The following ANK3 variants were observed in gnomAD, a reference collection of about 807,000 sequenced individuals.
The protein encoded by ANK3 is ankyrin 3, also known as ankyrin-3.
Under a neutral mutation model 370.9 loss-of-function variants are expected in ANK3, and 57 were observed. The observed-to-expected ratio is 0.15, with a 90% CI of 0.12 to 0.19. The LOEUF is 0.19. ANK3 is among the 10% of genes least tolerant of loss of function. The pLI, the probability that ANK3 is intolerant of heterozygous loss-of-function variation, is 1.00. For missense variants in ANK3, 4,439 were observed against 5,302.1 expected (o/e 0.84, Z 5.06); for synonymous variants, 1,929 against 1,946.3 (o/e 0.99, Z 0.23).
chr10:60,598,129 C>A (rs2078012773), intron 2 of ANK3, among the ~76,000 whole-genome samples: 1 of 152,094 alleles, frequency 6.6e-6, no homozygotes, highest in Non-Finnish European at 1.5e-5. Flanking sequence ...AAAAGAACAA[C>A]AACAACTGGG....
chr10:60,213,363 C>A, intron 9 of ANK3, 49 bp downstream of exon 9: 1 of 1,288,498 alleles, frequency 7.8e-7, no homozygotes, highest in Non-Finnish European at 1.1e-6. Context: ...GATCATATAA[C>A]CATCAAAATA....
intron 1 of ANK3, among the ~76,000 whole-genome samples, chr10:60,717,844 T>C (rs2079811736): frequency 6.6e-6 from 1 of 152,244 alleles, no homozygotes; most frequent in Non-Finnish European, 1.5e-5. Context: ...TTCAGTCAAA[T>C]TAAATTTAGT....
intron 25 of ANK3, among the ~76,000 whole-genome samples, chr10:60,130,374 C>G (rs2093994978): frequency 6.6e-6 from 1 of 151,602 alleles, no homozygotes; most frequent in African/African-American, 2.4e-5. Flanking sequence ...GGCAACTGTA[C>G]TTTGTATGAG....
intron 1 of ANK3, among the ~76,000 whole-genome samples, chr10:60,359,568 G>GTGTGATTTA: frequency 6.6e-6 from 1 of 152,072 alleles, no homozygotes; most frequent in African/African-American, 2.4e-5. Context: ...TATTTTATTG[G>GTGTGATTTA]TGTGATTTAT....
At chr10:60,110,783 T>C (rs1010294481) in intron 26 of ANK3, among the ~76,000 whole-genome samples, 2 of 152,194 alleles carry the variant, frequency 1.3e-5, no homozygotes, top group Non-Finnish European at 2.9e-5. Context: ...CAATTTTTCA[T>C]TAGGAATAAT....
intron 2 of ANK3, among the ~76,000 whole-genome samples, chr10:60,539,206 T>G (rs2076791423): frequency 6.6e-6 from 1 of 151,940 alleles, no homozygotes; most frequent in Non-Finnish European, 1.5e-5. Context: ...TAGAAATCTA[T>G]GAAAATAGAA....
intron 1 of ANK3, among the ~76,000 whole-genome samples, chr10:60,290,683 T>G (rs1412536846): frequency 6.6e-6 from 1 of 152,156 alleles, no homozygotes; most frequent in Non-Finnish European, 1.5e-5. Context: ...CACTGACCCC[T>G]AACACATGTT....
rs75939260 is a variant in ANK3 at position 60,205,404 on chromosome 10, C to T, written c.1293+388G>A. Among the ~76,000 whole-genome samples the T allele has an allele frequency of 2.9e-4, 44 of 152,246 alleles. 1 individual carries two copies. In the East Asian group the frequency reaches 8.3e-3, roughly 29 times the overall value. On this transcript the variant is annotated intron_variant, in intron 11 of 43. Transcript: ENST00000280772. ...ATCCTTGGCCTTGACCCACTAGAGA[C>T]CAGTAGTACTATCCAGTTGTGACAA...
At chr10:60,609,710 C>T (rs927225939) in intron 2 of ANK3, among the ~76,000 whole-genome samples, 2 of 152,050 alleles carry the variant, frequency 1.3e-5, no homozygotes, top group South Asian at 2.1e-4. Context: ...TCATGGATAC[C>T]TTACCATATC....
rs548326701 is a variant in ANK3 at position 60,614,251 on chromosome 10, T to C, written c.96+935A>G. ...TTACCAAAATGGCAATTTCACAAAATTCAGCCTAGTAAAATATATACATAT... is the reference window on the plus strand; with the variant it reads ...TTACCAAAATGGCAATTTCACAAAACTCAGCCTAGTAAAATATATACATAT... On this transcript the variant is annotated intron_variant, in intron 2 of 43. Coordinates refer to the ANK3 transcript ENST00000373827. 4.6e-5 allele frequency among the ~76,000 whole-genome samples: 7 copies of C among 152,266 alleles called. No individual in the cohort carries two copies. The South Asian group carries it at 1.2e-3, about 27-fold the overall frequency.
chr10:60,233,871 G>T (rs528388915), intron 8 of ANK3, among the ~76,000 whole-genome samples: 28 of 152,202 alleles, frequency 1.8e-4, no homozygotes, highest in African/African-American at 5.8e-4. Flanking sequence ...TCATCTTGCA[G>T]AACTAAAACT....
intron 1 of ANK3, chr10:60,684,427 T>C: frequency 1.3e-6 from 1 of 796,552 alleles, no homozygotes; most frequent in Non-Finnish European, 2.0e-6. Context: ...AATCTTATAG[T>C]TGGATCACCT....
chr10:60,221,871 T>G (rs2097065217), intron 8 of ANK3, among the ~76,000 whole-genome samples: 1 of 152,198 alleles, frequency 6.6e-6, no homozygotes, highest in African/African-American at 2.4e-5. Context: ...ACTAACAACA[T>G]GTGGCATCTA....
intron 1 of ANK3, among the ~76,000 whole-genome samples, chr10:60,287,015 AT>A (rs1318537634): frequency 2.0e-5 from 3 of 151,882 alleles, no homozygotes; most frequent in Non-Finnish European, 4.4e-5. Flanking sequence ...GGAGAGGAAT[AT>A]TTTTCCTGTC....
intron 1 of ANK3, among the ~76,000 whole-genome samples, chr10:60,701,195 T>G (rs74155699): frequency 0.011 from 1,631 of 152,168 alleles, 28 homozygotes; most frequent in African/African-American, 0.037. Context: ...TGCCAATATA[T>G]GATTATTTTA....
intron 39 of ANK3, 93 bp from the exon 40 acceptor site, chr10:60,063,347 G>A: frequency 7.4e-7 from 1 of 1,343,248 alleles, no homozygotes; most frequent in South Asian, 1.5e-5. Context: ...TTGCAGCCCT[G>A]CTGACATTTT....
intron 1 of ANK3, among the ~76,000 whole-genome samples, chr10:60,290,960 C>A (rs1281256105): frequency 1.3e-5 from 2 of 152,130 alleles, no homozygotes; most frequent in Non-Finnish European, 2.9e-5. Flanking sequence ...CCAGTCTGTC[C>A]ACTATGATCT....
intron 23 of ANK3, among the ~76,000 whole-genome samples, chr10:60,144,832 A>C (rs2094735944): frequency 6.6e-6 from 1 of 152,218 alleles, no homozygotes; most frequent in African/African-American, 2.4e-5. Flanking sequence ...TAATATACCC[A>C]ACCCAACATC....
At chr10:60,282,592 G>A (rs1593012287) in intron 1 of ANK3, among the ~76,000 whole-genome samples, 1 of 151,962 alleles carries the variant, frequency 6.6e-6, no homozygotes, top group Admixed American at 6.6e-5. Flanking sequence ...GCTTGCTCAT[G>A]AACTTGCATT....
Sources: allele counts gnomAD v4.1 joint callset (sites outside exome capture counted in the v4.1 genomes callset), GRCh38; gene constraint gnomAD v4.1.1; transcripts MANE v1.5; gene names NCBI Gene and HGNC (gene_info 2026-07-23, HGNC 2026-07-21).